Variants in ARHGAP44 observed in about 807,000 individuals in gnomAD.
ARHGAP44 encodes the protein Rho GTPase activating protein 44, also known as rho GTPase-activating protein 44.
A neutral mutation model predicts 106.8 loss-of-function variants in ARHGAP44; 43 were observed. That is an observed-to-expected ratio of 0.40 (90% CI 0.32 to 0.52). The LOEUF (loss-of-function observed/expected upper bound fraction) is 0.52, where lower values mean the gene tolerates loss of function less well. Ranked by LOEUF, ARHGAP44 falls within the 20% of genes least tolerant of loss-of-function variation. The probability of loss-of-function intolerance (pLI) is 0.48; values close to 1 mark genes in which losing one functional copy is unlikely to be tolerated. For missense variants in ARHGAP44, 866 were observed against 1,050.5 expected, an observed-to-expected ratio of 0.82 and a Z score of 2.43; for synonymous variants, 439 against 410.3, an observed-to-expected ratio of 1.07 and a Z score of -0.85.
At chr17:12,969,961 A>G (rs1043968866) in intron 16 of ARHGAP44, among the ~76,000 whole-genome samples, 7 of 152,174 alleles carry the variant, frequency 4.6e-5, no homozygotes, top group Admixed American at 6.5e-5. Context: ...CCATGATACC[A>G]TCTCATGAAA....
At chr17:12,983,955 T>C (rs578171389) in intron 19 of ARHGAP44, among the ~76,000 whole-genome samples, 1 of 152,244 alleles carries the variant, frequency 6.6e-6, no homozygotes, top group Admixed American at 6.5e-5. Flanking sequence ...AGGCACAGCA[T>C]ATAAAGTAAT....
chr17:12,833,379 T>C (rs2035144081), intron 1 of ARHGAP44, among the ~76,000 whole-genome samples: 1 of 152,228 alleles, frequency 6.6e-6, no homozygotes, highest in African/African-American at 2.4e-5. Flanking sequence ...GATACCCAAC[T>C]AGCTTAAAGT....
intron 1 of ARHGAP44, among the ~76,000 whole-genome samples, chr17:12,808,494 C>T (rs1026921200): frequency 6.6e-5 from 10 of 152,238 alleles, no homozygotes; most frequent in African/African-American, 1.4e-4. Context: ...TGTGCACCCA[C>T]GGGCTCAATA....
At chr17:12,885,539 GTGTT>G (rs2036858255) in intron 1 of ARHGAP44, among the ~76,000 whole-genome samples, 2 of 152,164 alleles carry the variant, frequency 1.3e-5, no homozygotes, top group South Asian at 2.1e-4. Context: ...GTGTGAGTGT[GTGTT>G]TGTGTGTGTG....
chr17:12,804,596 T>G (rs2034217353), intron 1 of ARHGAP44, among the ~76,000 whole-genome samples: 1 of 152,228 alleles, frequency 6.6e-6, no homozygotes, highest in African/African-American at 2.4e-5. Flanking sequence ...GGATACCCAT[T>G]CTTCAAACTA....
In ARHGAP44 at chr17:12,944,146, C is replaced by T; in HGVS notation, c.811C>T (p.Pro271Ser). ...LTISGREIAF[P>S]IEACVTMLLE... is the part of the protein sequence containing the mutation. ...CATCAGCGGCCGGGAGATCGCCTTC[C>T]CCATCGAGGCGTGTGTGACCATGCT... Residue 271 changes from proline (P) to serine (S), a missense_variant, in exon 10 of 21, where the codon CCC becomes TCC. Pro to Ser is a moderately conservative substitution (Grantham distance 74). Coordinates refer to ENST00000379672, the MANE Select transcript of ARHGAP44 (RefSeq NM_014859.6). The T allele has an allele frequency of 6.2e-7, 1 of 1,612,618 alleles. No homozygotes were observed. The highest frequency in any genetic ancestry group is 8.5e-7 in the Non-Finnish European group (1 of 1,179,802).
intron 1 of ARHGAP44, among the ~76,000 whole-genome samples, chr17:12,883,820 A>G (rs2036805492): frequency 6.6e-6 from 1 of 152,136 alleles, no homozygotes; most frequent in Non-Finnish European, 1.5e-5. Context: ...AAATCTTGCT[A>G]TCTTATCCTT....
chr17:12,949,548 A>T lies in ARHGAP44; in HGVS notation c.974-101A>T. Reference sequence around the variant, plus strand: ...ATTTGCTGTTGACATGGTGGTCAGGAGGCCCATCCCCAGATGGAACCCACA... The same window carrying T: ...ATTTGCTGTTGACATGGTGGTCAGGTGGCCCATCCCCAGATGGAACCCACA... On this transcript the variant is annotated intron_variant, in intron 11 of 20. Transcript: ENST00000379672. The surrounding 1 kb of genome is among the most constrained non-coding windows in gnomAD (Gnocchi z 4.1). 9.2e-7 allele frequency: 1 copy of T among 1,083,246 alleles called. No homozygotes were observed. The highest frequency in any genetic ancestry group is 1.4e-6 in the Non-Finnish European group (1 of 730,750). The allele number at this position is 1,083,246 out of a possible 1,614,324, so 67.1% of individuals were successfully genotyped here.
chr17:12,828,638 T>TTC (rs1270017891), intron 1 of ARHGAP44, among the ~76,000 whole-genome samples: 370 of 137,056 alleles, frequency 2.7e-3, no homozygotes, highest in South Asian at 0.013. Flanking sequence ...TTTTCTTTCT[T>TTC]TTTTTTTTTT....
At chr17:12,968,371 C>G (rs188515300) in intron 16 of ARHGAP44, among the ~76,000 whole-genome samples, 1 of 152,198 alleles carries the variant, frequency 6.6e-6, no homozygotes, top group Non-Finnish European at 1.5e-5. Context: ...CTCCCCAGGA[C>G]GTGGAAAACC....
chr17:12,883,000 G>A (rs936615286), intron 1 of ARHGAP44, among the ~76,000 whole-genome samples: 9 of 151,800 alleles, frequency 5.9e-5, no homozygotes, highest in Non-Finnish European at 1.3e-4. Flanking sequence ...AGTTTAGAAA[G>A]AAATATTTCT....
chr17:12,919,083 TAATGATAC>T (rs2037997967), intron 5 of ARHGAP44, among the ~76,000 whole-genome samples: 1 of 152,188 alleles, frequency 6.6e-6, no homozygotes, highest in Non-Finnish European at 1.5e-5. Flanking sequence ...TGACGATGGT[TAATGATAC>T]TGTATTGTAG....
chr17:12,856,361 C>T (rs950212426), intron 1 of ARHGAP44, among the ~76,000 whole-genome samples: 2 of 152,264 alleles, frequency 1.3e-5, no homozygotes, highest in Middle Eastern at 3.4e-3. Flanking sequence ...GGTTTTAGGG[C>T]AGATGAATCT....
At chr17:12,974,006 G>A in intron 17 of ARHGAP44, 83 bp from the exon 18 acceptor site, 1 of 1,396,738 alleles carries the variant, frequency 7.2e-7, no homozygotes, top group Non-Finnish European at 9.9e-7. Context: ...TCCCAACGCG[G>A]ACCTGCTTGA....
intron 7 of ARHGAP44, 34 bp from the exon 8 acceptor site, chr17:12,941,022 G>A (rs759088327): frequency 7.5e-6 from 12 of 1,605,258 alleles, no homozygotes; most frequent in Non-Finnish European, 1.0e-5. Context: ...ATTGGTTTAT[G>A]TTTTACCTTG....
chr17:12,849,623 G>A (rs1489347267), intron 1 of ARHGAP44, among the ~76,000 whole-genome samples: 2 of 110,110 alleles, frequency 1.8e-5, no homozygotes, highest in Non-Finnish European at 3.4e-5. Flanking sequence ...CACCTTGGAT[G>A]TGTCTGATCC....
At chr17:12,851,958 C>A (rs1187322165) in intron 1 of ARHGAP44, among the ~76,000 whole-genome samples, 1 of 151,402 alleles carries the variant, frequency 6.6e-6, no homozygotes, top group Admixed American at 6.6e-5. Flanking sequence ...ATGAGCTTGT[C>A]CTATTGATTT....
At chr17:12,968,191 C>T (rs17551299) in intron 16 of ARHGAP44, among the ~76,000 whole-genome samples, 15,687 of 152,228 alleles carry the variant, frequency 0.1, 935 homozygotes, top group South Asian at 0.2. Context: ...TGAGGCGTCC[C>T]GATCCAGCCC....
chr17:12,856,129 A>G (rs918884299), intron 1 of ARHGAP44, among the ~76,000 whole-genome samples: 1 of 152,038 alleles, frequency 6.6e-6, no homozygotes, highest in Non-Finnish European at 1.5e-5. Context: ...CACATCTCCT[A>G]TTTTCTTCTG....
Sources: allele counts gnomAD v4.1 joint callset (sites outside exome capture counted in the v4.1 genomes callset), GRCh38; gene constraint gnomAD v4.1.1; non-coding constraint Gnocchi (gnomAD v3.1); transcripts MANE v1.5; gene names NCBI Gene and HGNC (gene_info 2026-07-23, HGNC 2026-07-21).